PIWIL1: variants seen among roughly 807,000 people sequenced by gnomAD.
The protein encoded by PIWIL1 is piwi like RNA-mediated gene silencing 1.
PIWIL1 carries 73 observed loss-of-function variants against 114.4 expected under a neutral mutation model. The ratio of observed to expected loss-of-function variants is 0.64; its 90% CI spans 0.53 to 0.78. The LOEUF is 0.78. PIWIL1 is among the 30% of genes least tolerant of loss of function. The pLI is 0.00. For synonymous variants in PIWIL1, 375 were observed against 369.0 expected (o/e 1.02, Z -0.19); for missense variants, 723 against 1,063.1 (o/e 0.68, Z 4.45).
chr12:130,368,931 G>A (rs1175919964), intron 19 of PIWIL1, among the ~76,000 whole-genome samples: 5 of 151,008 alleles, frequency 3.3e-5, no homozygotes, highest in Non-Finnish European at 5.9e-5. Context: ...CGTGCAGGAC[G>A]TACAGGTTTG....
At chr12:130,365,351 A>G (rs1219597303) in intron 18 of PIWIL1, among the ~76,000 whole-genome samples, 1 of 152,216 alleles carries the variant, frequency 6.6e-6, no homozygotes, top group Non-Finnish European at 1.5e-5. Flanking sequence ...GAGGCATTGC[A>G]AGGCGTAAAT....
chr12:130,412,660 C>A, the PIWIL1 span: 1 of 1,613,982 alleles, frequency 6.2e-7, no homozygotes. Flanking sequence ...AAAGCCCTGT[C>A]TAAGAAGCTG....
chr12:130,369,443 C>T (rs182534937), intron 19 of PIWIL1, among the ~76,000 whole-genome samples: 35 of 152,256 alleles, frequency 2.3e-4, no homozygotes, highest in African/African-American at 7.5e-4. Flanking sequence ...AATGGTATTT[C>T]GGGTTCTAGA....
At chr12:130,425,630 C>T in the PIWIL1 span, 1 of 152,538 alleles carries the variant, frequency 6.6e-6, no homozygotes, top group Admixed American at 6.5e-5. Context: ...GTGTCCATGA[C>T]TTTTATACTG....
chr12:130,338,873 G>T (rs1463429021), intron 1 of PIWIL1, among the ~76,000 whole-genome samples: 5 of 117,680 alleles, frequency 4.2e-5, no homozygotes, highest in East Asian at 5.5e-4. Context: ...TGCAGGGGCC[G>T]GGGTGCGGGG....
At position 130,342,608 on chromosome 12, in the gene PIWIL1, G is replaced by C; in HGVS notation, c.17G>C (p.Arg6Pro). 6.2e-7 allele frequency: 1 copy of C among 1,613,552 alleles called. No individual in the cohort carries two copies. Among genetic ancestry groups the C allele is most frequent in the South Asian group, 1.1e-5 (1 of 91,002 alleles). The change falls in exon 2 of 21, where the codon CGA (arginine) becomes CCA (proline). Residue 6 changes from arginine to proline, a missense_variant. Arg to Pro is a moderately radical substitution (Grantham distance 103). Around this residue, in one of 8 missense-constraint regions of PIWIL1, gnomAD observed 91 missense variants for 76.2 expected, o/e 1.19. Coordinates refer to ENST00000245255, the MANE Select transcript of PIWIL1 (RefSeq NM_004764.5). The stretch of plus-strand genomic sequence containing the variant: ...TAGAAAACAATGACTGGGAGAGCCC[G>C]AGCCAGAGCCAGAGGAAGGGCCCGC... MTGRA[R>P]ARARGRARGQ...
intron 9 of PIWIL1, 53 bp from the exon 10 acceptor site, chr12:130,354,484 G>A: frequency 6.2e-7 from 1 of 1,608,706 alleles, no homozygotes; most frequent in African/African-American, 1.3e-5. Context: ...TGCCCACTGA[G>A]ATGCTACTCG....
At chr12:130,399,827 G>C in the PIWIL1 span, 1 of 1,613,650 alleles carries the variant, frequency 6.2e-7, no homozygotes, top group Non-Finnish European at 8.5e-7. Context: ...AAACACCAGG[G>C]GTGAGGCAGA....
chr12:130,361,154 T>C (rs1350670184), intron 14 of PIWIL1, 26 bp from the exon 15 acceptor site: 4 of 1,611,154 alleles, frequency 2.5e-6, no homozygotes, highest in Non-Finnish European at 3.4e-6. Flanking sequence ...TCCTAATTCT[T>C]TGTAACAAGG....
the PIWIL1 span, chr12:130,412,906 C>T: frequency 1.0e-6 from 1 of 953,830 alleles, no homozygotes; most frequent in East Asian, 2.7e-5. Context: ...TTTAAAAATA[C>T]CATAAATCAC....
chr12:130,421,952 G>A, the PIWIL1 span, among the ~76,000 whole-genome samples: 769 of 152,286 alleles, frequency 5.0e-3, 9 homozygotes, highest in African/African-American at 0.018. Context: ...GAGCAAGGGA[G>A]GTGCCCAGAT....
chr12:130,403,161 AG>A, the PIWIL1 span, among the ~76,000 whole-genome samples: 1 of 152,234 alleles, frequency 6.6e-6, no homozygotes, highest in Non-Finnish European at 1.5e-5. Flanking sequence ...ATCAAAACAA[AG>A]TACCAAGAAA....
At chr12:130,391,909 G>T in the PIWIL1 span, among the ~76,000 whole-genome samples, 157 of 152,004 alleles carry the variant, frequency 1.0e-3, 1 homozygote, top group African/African-American at 3.7e-3. Flanking sequence ...GCGTGCGTCA[G>T]TGACCTGGTG....
intron 7 of PIWIL1, 26 bp downstream of exon 7, chr12:130,348,209 A>T (rs1410992413): frequency 3.7e-6 from 5 of 1,344,380 alleles, no homozygotes; most frequent in Non-Finnish European, 5.3e-6. Flanking sequence ...AACGTTTAAT[A>T]TTCCTTAGGC....
intron 6 of PIWIL1, 33 bp from the exon 7 acceptor site, chr12:130,348,070 T>C (rs768338860): frequency 2.2e-6 from 3 of 1,368,752 alleles, no homozygotes; most frequent in Non-Finnish European, 3.1e-6. Context: ...GAGATACTTA[T>C]CAATATTCAC....
the PIWIL1 span, chr12:130,424,539 C>T: frequency 2.4e-4 from 299 of 1,231,866 alleles, no homozygotes; most frequent in Non-Finnish European, 3.0e-4. This position sits in a 1 kb window ranked among gnomAD's most constrained non-coding sequence, Gnocchi z 9.8. Flanking sequence ...GGTGGCCGAG[C>T]GGCTGAACCG....
chr12:130,338,580 A>C (rs1241000794), intron 1 of PIWIL1, among the ~76,000 whole-genome samples: 3 of 14,204 alleles, frequency 2.1e-4, no homozygotes. Context: ...GAGATGCAGG[A>C]GCCGGGTGCG....
rs751181793 is a variant in PIWIL1, at chr12:130,348,138, G to A, written c.689G>A (p.Arg230Gln). The change falls in exon 7 of 21, where the codon CGA becomes CAA. Residue 230 changes from arginine (R) to glutamine (Q), a missense_variant. Transcript: ENST00000245255. ...LKIMNLQQIG[R>Q]NYYNPNDPID... ...ATCATGAATTTGCAACAAATTGGAC[G>A]AAATTATTATAACCCAAATGACCCA... is the stretch of plus-strand genomic sequence containing the variant. The A allele has an allele frequency of 3.1e-6, 5 of 1,609,576 alleles. No homozygotes were observed. The highest frequency in any genetic ancestry group is 4.5e-5 in the East Asian group (2 of 44,824).
chr12:130,380,345 CT>C, the PIWIL1 span, among the ~76,000 whole-genome samples: 4 of 152,202 alleles, frequency 2.6e-5, no homozygotes, highest in East Asian at 3.9e-4. Context: ...CACCCCCCAA[CT>C]TTTTTTTACT....
Sources: allele counts gnomAD v4.1 joint callset (sites outside exome capture counted in the v4.1 genomes callset), GRCh38; gene constraint gnomAD v4.1.1; regional missense constraint gnomAD v4.1.1; non-coding constraint Gnocchi (gnomAD v3.1); transcripts MANE v1.5; gene names NCBI Gene and HGNC (gene_info 2026-07-23, HGNC 2026-07-21).